The following ATRNL1 variants were observed in gnomAD, a reference collection of about 807,000 sequenced individuals.
The protein encoded by ATRNL1 is attractin-like protein 1.
In ATRNL1, 95 loss-of-function variants were observed where a neutral mutation model predicts 182.7. The observed-to-expected ratio is 0.52, with a 90% CI of 0.44 to 0.62. ATRNL1 has a LOEUF of 0.62. Ranked by LOEUF, ATRNL1 falls within the 20% of genes least tolerant of loss-of-function variation. The pLI is 0.00. For missense variants in ATRNL1, 1,471 were observed against 1,679.5 expected (o/e 0.88, Z 2.17); for synonymous variants, 576 against 568.3 (o/e 1.01, Z -0.19).
chr10:115,947,451 G>C lies in ATRNL1; in HGVS notation c.*2672G>C, dbSNP rs973196745. ...AAAAAAAATGGTTAAATACAATGGAGTTTTAAAAATTAACCTGGGGATTCT... is the reference window on the plus strand; with the variant it reads ...AAAAAAAATGGTTAAATACAATGGACTTTTAAAAATTAACCTGGGGATTCT... On this transcript the variant is annotated 3_prime_UTR_variant, in exon 29 of 29. Coordinates refer to ENST00000355044, the MANE Select transcript of ATRNL1 (RefSeq NM_207303.4). 36 of 152,624 alleles carry C rather than the reference G, an allele frequency of 2.4e-4. No homozygotes were observed. Among genetic ancestry groups the C allele is most frequent in the African/African-American group, 8.0e-4 (33 of 41,488 alleles). 9.5% of individuals were successfully genotyped at this position (152,624 alleles called of 1,614,324 possible).
At chr10:115,505,321 T>A (rs760215092) in intron 24 of ATRNL1, among the ~76,000 whole-genome samples, 7 of 152,086 alleles carry the variant, frequency 4.6e-5, no homozygotes, top group Non-Finnish European at 1.0e-4. Flanking sequence ...AAAATAATTC[T>A]TTTTAAACAA....
At chr10:115,293,476 ATTTTTGTAGTTACATGGC>A (rs1407116392) in intron 15 of ATRNL1, among the ~76,000 whole-genome samples, 4 of 151,246 alleles carry the variant, frequency 2.6e-5, no homozygotes, top group Non-Finnish European at 5.9e-5. Flanking sequence ...CTTATTATTT[ATTTTTGTAGTTACATGGC>A]TTTTTGTAGT....
At chr10:115,717,696 C>T (rs1014375961) in intron 26 of ATRNL1, among the ~76,000 whole-genome samples, 1 of 151,748 alleles carries the variant, frequency 6.6e-6, no homozygotes, top group Non-Finnish European at 1.5e-5. Flanking sequence ...GGACTACAGG[C>T]GTGTGCCACT....
At chr10:115,461,908 A>G (rs782404365) in intron 21 of ATRNL1, 33 bp from the exon 22 acceptor site, 19 of 1,489,932 alleles carry the variant, frequency 1.3e-5, no homozygotes, top group Middle Eastern at 1.7e-4. Context: ...TTTAAAGTAC[A>G]TATCAGGATT....
intron 8 of ATRNL1, among the ~76,000 whole-genome samples, chr10:115,203,745 ATTTTTTTTTTTTTT>A (rs71476116): frequency 1.9e-5 from 2 of 106,048 alleles, no homozygotes; most frequent in African/African-American, 8.1e-5. Context: ...ATGCCTGGCT[ATTTTTTTTTTTTTT>A]TTTTTTTTTG....
chr10:115,615,673 G>A (rs981548574), intron 26 of ATRNL1, among the ~76,000 whole-genome samples: 20 of 152,034 alleles, frequency 1.3e-4, no homozygotes, highest in African/African-American at 2.9e-4. Context: ...GAGTACTCAC[G>A]AGATCTTGTC....
rs553935956 is a variant in ATRNL1, at chr10:115,519,047, A to G, written c.3655-216A>G. Among the ~76,000 whole-genome samples, 18 of 152,084 alleles carry G rather than the reference A, an allele frequency of 1.2e-4. No individual in the cohort carries two copies. The South Asian group carries it at 3.7e-3, about 32-fold the overall frequency. On this transcript the variant is annotated intron_variant, in intron 24 of 28. Coordinates refer to ENST00000355044, the MANE Select transcript of ATRNL1 (RefSeq NM_207303.4). ...AAGTAATTATATAATAGTTTTTAAA[A>G]TATTTAATGTCGTATTCTACACTAT... is the stretch of plus-strand genomic sequence containing the variant.
chr10:115,272,854 C>T (rs1179789668), intron 13 of ATRNL1, among the ~76,000 whole-genome samples: 2 of 152,154 alleles, frequency 1.3e-5, no homozygotes, highest in African/African-American at 2.4e-5. Context: ...TTGCTGTCCT[C>T]CATGTGCTGT....
At position 115,598,184 on chromosome 10, in the gene ATRNL1, A is replaced by G. The variant is rs1193705942; in HGVS notation, c.3795+48648A>G. 6.6e-5 allele frequency among the ~76,000 whole-genome samples: 10 copies of G among 151,456 alleles called. No homozygotes were observed. In the Admixed American group the frequency reaches 6.6e-4, roughly 10 times the overall value. On this transcript the variant is annotated intron_variant, in intron 26 of 28. Transcript: ENST00000355044. ...AAAACAATAGCATCAGCATATTAAC[A>G]GCAATATTCCTTTATTCAGTATAGC...
chr10:115,816,300 T>C (rs1182199912), intron 27 of ATRNL1, among the ~76,000 whole-genome samples: 1 of 152,132 alleles, frequency 6.6e-6, no homozygotes, highest in Non-Finnish European at 1.5e-5. Context: ...TGGCTGTTAC[T>C]CCACGGGAAT....
chr10:115,840,471 A>G (rs1242850283), intron 27 of ATRNL1, among the ~76,000 whole-genome samples: 3 of 152,156 alleles, frequency 2.0e-5, no homozygotes, highest in Admixed American at 6.5e-5. Context: ...GCTATACTTC[A>G]TGTATATATA....
chr10:115,912,459 C>T (rs576302758), intron 28 of ATRNL1, among the ~76,000 whole-genome samples: 160 of 151,462 alleles, frequency 1.1e-3, no homozygotes, highest in African/African-American at 3.6e-3. Flanking sequence ...GAAACAGGCA[C>T]ATTTTAAAAA....
intron 9 of ATRNL1, among the ~76,000 whole-genome samples, chr10:115,223,208 G>A (rs548447682): frequency 2.0e-5 from 3 of 152,302 alleles, no homozygotes; most frequent in African/African-American, 7.2e-5. Flanking sequence ...TTGTACCCGG[G>A]AGGCAGAGGT....
chr10:115,251,617 G>A (rs941368189), intron 10 of ATRNL1, among the ~76,000 whole-genome samples: 2 of 152,130 alleles, frequency 1.3e-5, no homozygotes, highest in African/African-American at 2.4e-5. Context: ...CATGGCTTTG[G>A]TAATTGGCAT....
Position 115,230,909 on chromosome 10 carries a change from G to GAA in ATRNL1, c.1533-10661_1533-10660insAA, listed in dbSNP as rs1564837914. Among the ~76,000 whole-genome samples the GAA allele has an allele frequency of 5.9e-3, 817 of 138,276 alleles. 11 individuals are homozygous for GAA. The highest frequency in any genetic ancestry group is 0.025 in the African/African-American group (777 of 31,304). 90.7% of individuals were successfully genotyped at this position (138,276 alleles called of 152,430 possible). ...AGAGAGAGAGAGAGAGAGAGAGAGA[G>GAA]AGAGAGAGAGAGAAAGAGAGAAATA... On this transcript the variant is annotated intron_variant, in intron 9 of 28. Coordinates refer to ENST00000355044, the MANE Select transcript of ATRNL1 (RefSeq NM_207303.4).
At position 115,948,292 on chromosome 10, in the gene ATRNL1, A is replaced by G. The variant is rs1330306596; in HGVS notation, c.*3513A>G. On this transcript the variant is annotated 3_prime_UTR_variant, in exon 29 of 29. Transcript: ENST00000355044. ...TAGGCAAGACAGGGTCAGTGCTTAC[A>G]TTTTGTGGTTATACATGATACATCT... is the stretch of plus-strand genomic sequence containing the variant. The G allele has an allele frequency of 3.3e-5, 5 of 152,224 alleles. No individual in the cohort carries two copies. The highest frequency in any genetic ancestry group is 1.2e-4 in the African/African-American group (5 of 41,460). The allele number at this position is 152,224 out of a possible 1,614,324, so 9.4% of individuals were successfully genotyped here.
chr10:115,704,446 C>G (rs1006658464), intron 26 of ATRNL1, among the ~76,000 whole-genome samples: 3 of 151,704 alleles, frequency 2.0e-5, no homozygotes, highest in Admixed American at 6.6e-5. Context: ...CTCTGACATA[C>G]GAGGGTTTAG....
chr10:115,767,328 C>T (rs1390613460), intron 27 of ATRNL1, among the ~76,000 whole-genome samples: 1 of 152,158 alleles, frequency 6.6e-6, no homozygotes, highest in Non-Finnish European at 1.5e-5. Context: ...CTGCCTTTTC[C>T]TCCCAACAGC....
intron 26 of ATRNL1, among the ~76,000 whole-genome samples, chr10:115,568,363 C>T (rs1854189148): frequency 6.6e-6 from 1 of 151,956 alleles, no homozygotes; most frequent in Non-Finnish European, 1.5e-5. Context: ...GAATGCTAAA[C>T]AATTTAAGTA....
Sources: gnomAD v4.1 joint callset for allele counts (sites outside exome capture counted in the v4.1 genomes callset) on GRCh38, gnomAD v4.1.1 for gene constraint, MANE v1.5 for transcripts, NCBI Gene and HGNC (gene_info 2026-07-23, HGNC 2026-07-21) for gene names.